SORCS2: variants seen among roughly 807,000 people sequenced by gnomAD.
The protein encoded by SORCS2 is VPS10 domain-containing receptor SorCS2.
A neutral mutation model predicts 141.6 loss-of-function variants in SORCS2; 100 were observed. The observed-to-expected ratio is 0.71, with a 90% confidence interval of 0.60 to 0.83. The LOEUF is 0.83. SORCS2 is among the 40% of genes least tolerant of loss of function. SORCS2 has a pLI of 0.00. For missense variants in SORCS2, 1,646 were observed against 1,560.2 expected, an observed-to-expected ratio of 1.05 and a Z score of -0.93; for synonymous variants, 789 against 676.9, an observed-to-expected ratio of 1.17 and a Z score of -2.57.
chr4:7,340,642 C>T (rs1266431688), intron 1 of SORCS2, among the ~76,000 whole-genome samples: 3 of 152,232 alleles, frequency 2.0e-5, no homozygotes, highest in Admixed American at 6.5e-5. Flanking sequence ...CACTCTTGCA[C>T]GTGAGCACGC....
chr4:7,256,687 G>C (rs1420179370), intron 1 of SORCS2, among the ~76,000 whole-genome samples: 2 of 151,420 alleles, frequency 1.3e-5, no homozygotes, highest in African/African-American at 4.9e-5. Flanking sequence ...AATAGTGGGG[G>C]AGCTGTGACA....
chr4:7,571,484 G>C (rs916774315), intron 3 of SORCS2, among the ~76,000 whole-genome samples: 1 of 152,118 alleles, frequency 6.6e-6, no homozygotes, highest in African/African-American at 2.4e-5. Flanking sequence ...GTGTGGGTGG[G>C]GTAGACTCAG....
At chr4:7,736,125 C>T (rs1168807077) in intron 25 of SORCS2, among the ~76,000 whole-genome samples, 2 of 152,258 alleles carry the variant, frequency 1.3e-5, no homozygotes, top group African/African-American at 4.8e-5. Context: ...TCTGGTGCGG[C>T]CTGTGCCCTC....
chr4:7,272,517 AT>A (rs1322725523), intron 1 of SORCS2, among the ~76,000 whole-genome samples: 1 of 152,184 alleles, frequency 6.6e-6, no homozygotes, highest in Non-Finnish European at 1.5e-5. Context: ...ATCCAGTCAA[AT>A]TTATGTTCTG....
intron 3 of SORCS2, among the ~76,000 whole-genome samples, chr4:7,543,679 C>CCCATCCACCCATCCACCCACCCATCCAT (rs1712923121): frequency 1.2e-5 from 1 of 80,182 alleles, no homozygotes. Flanking sequence ...CATCCATCCA[C>CCCATCCACCCATCCACCCACCCATCCAT]CCATCCACCC....
chr4:7,483,215 C>T (rs376780556), intron 2 of SORCS2, among the ~76,000 whole-genome samples: 9 of 148,428 alleles, frequency 6.1e-5, no homozygotes, highest in Non-Finnish European at 8.9e-5. Context: ...CCCAGCTACT[C>T]GGGAGGCTGA....
At chr4:7,538,268 C>T (rs1052142513) in intron 3 of SORCS2, among the ~76,000 whole-genome samples, 1 of 152,200 alleles carries the variant, frequency 6.6e-6, no homozygotes, top group East Asian at 1.9e-4. Flanking sequence ...ATTTTTGTCT[C>T]GCCTGCAGCA....
At chr4:7,495,407 C>G (rs998187631) in intron 2 of SORCS2, among the ~76,000 whole-genome samples, 1 of 152,220 alleles carries the variant, frequency 6.6e-6, no homozygotes, top group Non-Finnish European at 1.5e-5. Flanking sequence ...TCTGCCTCCC[C>G]CACCAGCTGT....
intron 3 of SORCS2, among the ~76,000 whole-genome samples, chr4:7,541,403 C>T (rs932952512): frequency 6.6e-6 from 1 of 152,216 alleles, no homozygotes; most frequent in Non-Finnish European, 1.5e-5. Context: ...GGGAGGATTC[C>T]CAGTGCTCTG....
chr4:7,225,419 T>G (rs1347925154), intron 1 of SORCS2, among the ~76,000 whole-genome samples: 1 of 152,250 alleles, frequency 6.6e-6, no homozygotes, highest in Non-Finnish European at 1.5e-5. Context: ...AACAGCATTT[T>G]GCGAAATCCG....
At chr4:7,619,952 G>A (rs1473637910) in intron 3 of SORCS2, among the ~76,000 whole-genome samples, 2 of 152,188 alleles carry the variant, frequency 1.3e-5, no homozygotes, top group African/African-American at 4.8e-5. Context: ...CTGTCCCCAG[G>A]CACCTGGTCT....
At chr4:7,709,648 C>G (rs907838601) in intron 14 of SORCS2, among the ~76,000 whole-genome samples, 3 of 152,214 alleles carry the variant, frequency 2.0e-5, no homozygotes, top group Non-Finnish European at 2.9e-5. Flanking sequence ...TGTACGGGAG[C>G]TGCCCTGCCG....
Position 7,663,602 on chromosome 4 carries a change from T to C in SORCS2, c.953-751T>C, listed in dbSNP as rs1722319888. 6.6e-6 allele frequency among the ~76,000 whole-genome samples: 1 copy of C among 152,216 alleles called. No individual in the cohort carries two copies. Among genetic ancestry groups the C allele is most frequent in the East Asian group, 1.9e-4 (1 of 5,188 alleles). ...GACCGGGCAGGTGGGCCCACCCCAT[T>C]GTTCAGTGCAGAAACCTGAGGCTGA... is the stretch of plus-strand genomic sequence containing the variant. On this transcript the variant is annotated intron_variant, in intron 6 of 26. Coordinates refer to ENST00000507866, the MANE Select transcript of SORCS2 (RefSeq NM_020777.3). The surrounding 1 kb of genome is among the most constrained non-coding windows in gnomAD (Gnocchi z 4.8).
intron 1 of SORCS2, among the ~76,000 whole-genome samples, chr4:7,384,585 G>A (rs762460562): frequency 1.3e-4 from 19 of 151,692 alleles, no homozygotes; most frequent in African/African-American, 2.9e-4. Flanking sequence ...CAAACCACCC[G>A]TGTCCACACC....
At chr4:7,433,155 G>T (rs1375208440) in intron 2 of SORCS2, 3 of 705,924 alleles carry the variant, frequency 4.2e-6, no homozygotes, top group Non-Finnish European at 6.1e-6. Context: ...TGTTAAGAGA[G>T]AGGCTTTCGG....
chr4:7,589,578 T>C (rs1716775293), intron 3 of SORCS2, among the ~76,000 whole-genome samples: 1 of 152,114 alleles, frequency 6.6e-6, no homozygotes, highest in African/African-American at 2.4e-5. Context: ...AACTTTTGTA[T>C]TTTTAGTAAA....
chr4:7,354,136 C>A (rs1303188093), intron 1 of SORCS2, among the ~76,000 whole-genome samples: 1 of 152,162 alleles, frequency 6.6e-6, no homozygotes, highest in Non-Finnish European at 1.5e-5. Context: ...ACGGACCCCA[C>A]CCTGTGGCAT....
intron 3 of SORCS2, among the ~76,000 whole-genome samples, chr4:7,637,299 T>C (rs1720322398): frequency 7.3e-6 from 1 of 137,396 alleles, no homozygotes; most frequent in Non-Finnish European, 1.5e-5. Context: ...CTCAGTCCCC[T>C]ACATCAGCAC....
At chr4:7,243,631 C>T (rs1712864939) in intron 1 of SORCS2, among the ~76,000 whole-genome samples, 1 of 152,254 alleles carries the variant, frequency 6.6e-6, no homozygotes, top group South Asian at 2.1e-4. Context: ...GCTCCCTCGC[C>T]AGACACACAC....
Sources: gnomAD v4.1 joint callset for allele counts (sites outside exome capture counted in the v4.1 genomes callset) on GRCh38, gnomAD v4.1.1 for gene constraint, Gnocchi (gnomAD v3.1) non-coding constraint, MANE v1.5 for transcripts, NCBI Gene and HGNC (gene_info 2026-07-23, HGNC 2026-07-21) for gene names.